The following CTNND2 variants were observed in gnomAD, a reference collection of about 807,000 sequenced individuals.
CTNND2 encodes catenin delta 2.
CTNND2 carries 22 observed loss-of-function variants against 144.4 expected under a neutral mutation model. The ratio of observed to expected loss-of-function variants is 0.15; its 90% confidence interval spans 0.11 to 0.22. CTNND2 has a LOEUF of 0.22. Among genes scored for constraint, CTNND2 ranks in the 10% least tolerant of loss-of-function variants. CTNND2 has a pLI of 1.00. For synonymous variants in CTNND2, 751 were observed against 695.6 expected (o/e 1.08, Z -1.25); for missense variants, 1,353 against 1,618.8 (o/e 0.84, Z 2.82).
At chr5:11,801,010 G>A (rs7720368) in intron 1 of CTNND2, among the ~76,000 whole-genome samples, 134,574 of 152,184 alleles carry the variant, frequency 0.88, 61,575 homozygotes, top group East Asian at 1. Flanking sequence ...ATCTATCAAG[G>A]CTAAAAGAAA....
intron 3 of CTNND2, among the ~76,000 whole-genome samples, chr5:11,450,766 C>T (rs947752829): frequency 1.3e-5 from 2 of 151,868 alleles, no homozygotes; most frequent in African/African-American, 4.8e-5. Flanking sequence ...GGCGTGGTGG[C>T]GCATGCTTGT....
chr5:11,036,449 T>C (rs935802621), intron 16 of CTNND2, among the ~76,000 whole-genome samples: 1 of 151,980 alleles, frequency 6.6e-6, no homozygotes, highest in African/African-American at 2.4e-5. Flanking sequence ...GGACAGAGTT[T>C]CACTCTTGTT....
chr5:11,098,488 T>C, intron 15 of CTNND2, 87 bp downstream of exon 15: 1 of 1,175,290 alleles, frequency 8.5e-7, no homozygotes, highest in South Asian at 1.6e-5. Context: ...TTATTAGAGT[T>C]GCATTTCTCA....
intron 3 of CTNND2, among the ~76,000 whole-genome samples, chr5:11,489,436 A>G (rs1056775448): frequency 1.4e-4 from 21 of 152,220 alleles, no homozygotes; most frequent in African/African-American, 3.9e-4. Flanking sequence ...ACATAAAAAT[A>G]TGGCTGGATT....
At chr5:11,390,257 C>A (rs978449639) in intron 6 of CTNND2, among the ~76,000 whole-genome samples, 2 of 152,122 alleles carry the variant, frequency 1.3e-5, no homozygotes, top group Non-Finnish European at 2.9e-5. Flanking sequence ...GGAGTAGGAG[C>A]CCCTAAGAAT....
At chr5:11,462,991 C>A (rs191676754) in intron 3 of CTNND2, among the ~76,000 whole-genome samples, 9 of 152,170 alleles carry the variant, frequency 5.9e-5, no homozygotes, top group Non-Finnish European at 1.2e-4. Context: ...CAATCTTAGT[C>A]CTGCATTTAA....
chr5:11,075,413 C>T (rs1748839081), intron 16 of CTNND2, among the ~76,000 whole-genome samples: 1 of 152,228 alleles, frequency 6.6e-6, no homozygotes, highest in Non-Finnish European at 1.5e-5. Flanking sequence ...ACACAGCCTC[C>T]CCAATGTGGT....
chr5:11,382,978 T>C (rs1206440618), intron 7 of CTNND2, among the ~76,000 whole-genome samples: 1 of 152,126 alleles, frequency 6.6e-6, no homozygotes, highest in Non-Finnish European at 1.5e-5. Context: ...TACTACCTCT[T>C]CTTAGATGCA....
chr5:11,384,812 A>C lies in CTNND2; in HGVS notation c.1030T>G (p.Ser344Ala). 1 of 1,613,016 alleles carries C rather than the reference A, an allele frequency of 6.2e-7. No homozygotes were observed. The highest frequency in any genetic ancestry group is 8.5e-7 in the Non-Finnish European group (1 of 1,179,670). ...PPTVQSTISS[S>A]PIHQLSSTIG... Reference sequence around the variant, plus strand: ...GTGGAGCTCAGCTGGTGGATGGGCGAGGAGGAGATGGTGGACTGCACGGTG... The same window carrying C: ...GTGGAGCTCAGCTGGTGGATGGGCGCGGAGGAGATGGTGGACTGCACGGTG... The change falls in exon 7 of 22, where the codon TCG (serine) becomes GCG (alanine). Residue 344 changes from serine (S) to alanine (A), a missense_variant. Transcript: ENST00000304623. The surrounding 1 kb of genome is among the most constrained non-coding windows in gnomAD (Gnocchi z 5.2).
chr5:11,625,693 T>C (rs1781118851), intron 2 of CTNND2, among the ~76,000 whole-genome samples: 1 of 152,152 alleles, frequency 6.6e-6, no homozygotes. Context: ...TGGATGAAAC[T>C]AGTTTCAAAA....
intron 9 of CTNND2, among the ~76,000 whole-genome samples, chr5:11,246,569 A>G (rs185430): frequency 0.16 from 24,777 of 151,850 alleles, 2,568 homozygotes; most frequent in African/African-American, 0.28. Context: ...TGCTCACACC[A>G]TGATTTTGGT....
At chr5:11,638,565 T>A (rs1381897134) in intron 2 of CTNND2, among the ~76,000 whole-genome samples, 1 of 152,110 alleles carries the variant, frequency 6.6e-6, no homozygotes, top group Non-Finnish European at 1.5e-5. Context: ...TAGCTATCCT[T>A]ATAACTGTAC....
chr5:11,529,079 A>G (rs1175455873), intron 3 of CTNND2, among the ~76,000 whole-genome samples: 1 of 152,216 alleles, frequency 6.6e-6, no homozygotes, highest in Non-Finnish European at 1.5e-5. Context: ...GCAATGCGGA[A>G]AACAGGGACA....
chr5:11,310,272 C>T (rs1447829122), intron 9 of CTNND2, among the ~76,000 whole-genome samples: 2 of 152,078 alleles, frequency 1.3e-5, no homozygotes, highest in East Asian at 3.9e-4. Flanking sequence ...ATTACATCCT[C>T]AGTGCTGTGC....
chr5:11,489,583 T>C (rs1350638560), intron 3 of CTNND2, among the ~76,000 whole-genome samples: 1 of 151,856 alleles, frequency 6.6e-6, no homozygotes, highest in Non-Finnish European at 1.5e-5. Context: ...TTCCTTGGAG[T>C]GAAATGAAAG....
intron 2 of CTNND2, among the ~76,000 whole-genome samples, chr5:11,692,354 T>C (rs908608639): frequency 1.3e-5 from 2 of 152,186 alleles, no homozygotes; most frequent in African/African-American, 4.8e-5. Context: ...TGGAAAAACA[T>C]TGGTAAACTA....
chr5:11,179,732 G>T (rs565988394), intron 11 of CTNND2, among the ~76,000 whole-genome samples: 5 of 152,226 alleles, frequency 3.3e-5, no homozygotes, highest in Non-Finnish European at 5.9e-5. Flanking sequence ...ATGACTCTCA[G>T]AATAGATAAC....
chr5:11,879,844 G>T (rs1250901769), intron 1 of CTNND2, among the ~76,000 whole-genome samples: 1 of 152,118 alleles, frequency 6.6e-6, no homozygotes, highest in Non-Finnish European at 1.5e-5. Context: ...CATCCTCTGG[G>T]CATATGGAAG....
At chr5:11,770,415 A>AGAAGGAAGGAAG (rs1206057309) in intron 1 of CTNND2, among the ~76,000 whole-genome samples, 481 of 9,956 alleles carry the variant, frequency 0.048, 5 homozygotes, top group African/African-American at 0.05. Flanking sequence ...AAAAAAGGAA[A>AGAAGGAAGGAAG]GAAGGAAGGA....
Sources: gnomAD v4.1 joint callset for allele counts (sites outside exome capture counted in the v4.1 genomes callset) on GRCh38, gnomAD v4.1.1 for gene constraint, Gnocchi (gnomAD v3.1) non-coding constraint, MANE v1.5 for transcripts, NCBI Gene and HGNC (gene_info 2026-07-23, HGNC 2026-07-21) for gene names.